Variants in PCDH11X observed in about 807,000 individuals in gnomAD.
PCDH11X encodes protocadherin 11 X-linked, also known as protocadherin-11 X-linked.
In PCDH11X, 18 loss-of-function variants were observed where a neutral mutation model predicts 53.3. The ratio of observed to expected loss-of-function variants is 0.34; its 90% CI spans 0.23 to 0.50. The LOEUF (loss-of-function observed/expected upper bound fraction) is 0.50, where lower values mean the gene tolerates loss of function less well. PCDH11X is among the 20% of genes least tolerant of loss of function. The probability of loss-of-function intolerance (pLI) is 0.98; values close to 1 mark genes in which losing one functional copy is unlikely to be tolerated. For synonymous variants in PCDH11X, 279 were observed against 393.3 expected, an observed-to-expected ratio of 0.71 and a Z score of 3.44; for missense variants, 570 against 1,032.4, an observed-to-expected ratio of 0.55 and a Z score of 6.14.
chrX:91,904,868 T>C lies in PCDH11X; in HGVS notation c.3033+25595T>C, dbSNP rs772082070. On this transcript the variant is annotated intron_variant, in intron 6 of 10. Transcript: ENST00000682573. ...CCGATCCAACAGCCAACAGCGTAATTCACAAAGAAACACTGGAGGCAATTC... is the reference window on the plus strand; with the variant it reads ...CCGATCCAACAGCCAACAGCGTAATCCACAAAGAAACACTGGAGGCAATTC... Among the ~76,000 whole-genome samples the C allele has an allele frequency of 6.4e-5, 7 of 110,163 alleles. 1 individual carries two copies. In the South Asian group the frequency reaches 2.7e-3, roughly 43 times the overall value.
At chrX:92,217,809 G>C (rs1039109972) in intron 7 of PCDH11X, among the ~76,000 whole-genome samples, 15 of 110,717 alleles carry the variant, frequency 1.4e-4, no homozygotes, top group South Asian at 3.9e-4. Context: ...GGAAGTAAAG[G>C]TCTCCTCAGC....
intron 9 of PCDH11X, among the ~76,000 whole-genome samples, chrX:92,415,968 G>A (rs1052116002): frequency 5.4e-5 from 6 of 111,472 alleles, no homozygotes; most frequent in East Asian, 2.8e-4. Flanking sequence ...TTGTATGATT[G>A]GAAAAATTGC....
intron 9 of PCDH11X, among the ~76,000 whole-genome samples, chrX:92,402,383 T>G (rs1248230656): frequency 9.0e-6 from 1 of 111,304 alleles, no homozygotes. Context: ...TAATTCAAAC[T>G]ATAGTACAAG....
chrX:92,509,376 A>G (rs1253238467), intron 10 of PCDH11X, among the ~76,000 whole-genome samples: 2 of 109,677 alleles, frequency 1.8e-5, no homozygotes, highest in Non-Finnish European at 3.8e-5. Flanking sequence ...TAATTTCTTC[A>G]AATAAATTGT....
chrX:92,082,974 T>G (rs1286062281), intron 6 of PCDH11X, among the ~76,000 whole-genome samples: 1 of 111,663 alleles, frequency 9.0e-6, no homozygotes, highest in Non-Finnish European at 1.9e-5. Flanking sequence ...ACTGTGAGTC[T>G]GTAAACTTTG....
rs192411798 is a variant in PCDH11X at position 92,465,981 on chromosome X, A to C, written c.3344-2318A>C. On this transcript the variant is annotated intron_variant, in intron 9 of 10. Transcript: ENST00000682573. The stretch of plus-strand genomic sequence containing the variant: ...TTTTTATTATTATTGAATTTGTGTA[A>C]GTAAAAATAATGATGCCTAAACTAT... 5.4e-3 allele frequency among the ~76,000 whole-genome samples: 600 copies of C among 111,229 alleles called. 4 individuals carry two copies. Among genetic ancestry groups the C allele is most frequent in the African/African-American group, 0.017 (528 of 30,799 alleles).
intron 8 of PCDH11X, among the ~76,000 whole-genome samples, chrX:92,275,450 C>T (rs920018576): frequency 1.8e-5 from 2 of 110,811 alleles, no homozygotes; most frequent in African/African-American, 3.3e-5. Flanking sequence ...CAGTACAGCC[C>T]AGGTAATTTG....
At chrX:92,019,407 T>C (rs1050418836) in intron 6 of PCDH11X, among the ~76,000 whole-genome samples, 9 of 110,420 alleles carry the variant, frequency 8.2e-5, no homozygotes, top group Non-Finnish European at 1.1e-4. Context: ...AGCAATATTA[T>C]ATACATTCTT....
intron 6 of PCDH11X, among the ~76,000 whole-genome samples, chrX:91,887,702 T>A (rs898629346): frequency 8.9e-6 from 1 of 111,776 alleles, no homozygotes. Flanking sequence ...TGGTGCATTT[T>A]AAAATTATAG....
intron 6 of PCDH11X, among the ~76,000 whole-genome samples, chrX:91,919,614 C>G (rs1165794276): frequency 2.7e-5 from 3 of 110,440 alleles, no homozygotes; most frequent in Admixed American, 9.7e-5. Flanking sequence ...TAAAGAGTGA[C>G]GGGGAAAAAG....
At chrX:92,154,629 C>T (rs1603067730) in intron 6 of PCDH11X, among the ~76,000 whole-genome samples, 2 of 110,187 alleles carry the variant, frequency 1.8e-5, no homozygotes, top group Middle Eastern at 9.3e-3. Flanking sequence ...GACACACAAG[C>T]GGCTGGACAG....
intron 6 of PCDH11X, among the ~76,000 whole-genome samples, chrX:92,034,060 CA>C (rs2063092443): frequency 9.1e-6 from 1 of 109,481 alleles, no homozygotes; most frequent in African/African-American, 3.3e-5. Context: ...GTATAGTTCC[CA>C]AATACCTCTT....
At chrX:92,215,285 T>C (rs2066674064) in intron 7 of PCDH11X, among the ~76,000 whole-genome samples, 2 of 108,207 alleles carry the variant, frequency 1.8e-5, no homozygotes, top group Admixed American at 2.0e-4. Flanking sequence ...GGTCAGGGAG[T>C]TCCCTTTCCT....
intron 6 of PCDH11X, among the ~76,000 whole-genome samples, chrX:91,921,415 T>C (rs1389571201): frequency 9.1e-6 from 1 of 109,516 alleles, no homozygotes; most frequent in Non-Finnish European, 1.9e-5. Flanking sequence ...ATAGTATCTA[T>C]AGAGTAGTTT....
chrX:92,240,399 G>A (rs1348935328), intron 7 of PCDH11X, among the ~76,000 whole-genome samples: 1 of 111,514 alleles, frequency 9.0e-6, no homozygotes, highest in Non-Finnish European at 1.9e-5. Flanking sequence ...TGATCAGCTG[G>A]AGAAATCTCT....
At chrX:92,393,934 A>G (rs1441492170) in intron 9 of PCDH11X, among the ~76,000 whole-genome samples, 1 of 111,326 alleles carries the variant, frequency 9.0e-6, no homozygotes, top group Non-Finnish European at 1.9e-5. Flanking sequence ...CGTGCTTTTC[A>G]AAAGTAAATC....
At chrX:92,275,032 G>A (rs1569451088) in intron 8 of PCDH11X, among the ~76,000 whole-genome samples, 1 of 106,927 alleles carries the variant, frequency 9.4e-6, no homozygotes, top group African/African-American at 3.4e-5. Context: ...GGAGCAGAAA[G>A]TATATGCGTC....
intron 8 of PCDH11X, among the ~76,000 whole-genome samples, chrX:92,374,896 C>A (rs1197377876): frequency 1.8e-5 from 2 of 108,579 alleles, no homozygotes; most frequent in Non-Finnish European, 3.8e-5. Context: ...AAAGGCTTAT[C>A]AAATTGAATT....
chrX:91,933,112 A>C (rs1251171616), intron 6 of PCDH11X, among the ~76,000 whole-genome samples: 1 of 106,906 alleles, frequency 9.4e-6, no homozygotes, highest in Non-Finnish European at 1.9e-5. Flanking sequence ...TTGGATTATA[A>C]AAATATTTTA....
Sources: gnomAD v4.1 joint callset for allele counts (sites outside exome capture counted in the v4.1 genomes callset) on GRCh38, gnomAD v4.1.1 for gene constraint, MANE v1.5 for transcripts, NCBI Gene and HGNC (gene_info 2026-07-23, HGNC 2026-07-21) for gene names.